The following KCNMA1 variants were observed in gnomAD, a reference collection of about 807,000 sequenced individuals.
KCNMA1 encodes the protein Calcium-activated potassium channel subunit alpha-1.
KCNMA1 carries 29 observed loss-of-function variants against 140.0 expected under a neutral mutation model. That is an observed-to-expected ratio of 0.21 (90% CI 0.15 to 0.28). The LOEUF is 0.28. KCNMA1 is among the 10% of genes least tolerant of loss of function. The pLI is 1.00. For missense variants in KCNMA1, 880 were observed against 1,602.2 expected (o/e 0.55, Z 7.70); for synonymous variants, 612 against 611.9 (o/e 1.00, Z 0.00).
At chr10:76,949,579 C>T (rs2065467690) in intron 21 of KCNMA1, 1 of 599,426 alleles carries the variant, frequency 1.7e-6, no homozygotes, top group Non-Finnish European at 3.0e-6. Context: ...ATAAATCTGT[C>T]CAAATGTATA....
At chr10:77,628,137 C>T (rs1262546264) in intron 1 of KCNMA1, among the ~76,000 whole-genome samples, 1 of 152,132 alleles carries the variant, frequency 6.6e-6, no homozygotes, top group Non-Finnish European at 1.5e-5. Context: ...CTTATACTCC[C>T]AACTTGAAAT....
intron 3 of KCNMA1, among the ~76,000 whole-genome samples, chr10:77,215,407 C>CTTT (rs5786271): frequency 0.14 from 18,070 of 132,484 alleles, 1,540 homozygotes; most frequent in Non-Finnish European, 0.18. Flanking sequence ...TTTATTTTTG[C>CTTT]TTTTTTTTTT....
At chr10:77,047,907 G>C (rs1302252712) in intron 14 of KCNMA1, among the ~76,000 whole-genome samples, 1 of 152,020 alleles carries the variant, frequency 6.6e-6, no homozygotes, top group East Asian at 1.9e-4. Flanking sequence ...GGGTTTTCAG[G>C]ACAGCCCTTC....
intron 2 of KCNMA1, among the ~76,000 whole-genome samples, chr10:77,377,230 G>T (rs1416497414): frequency 1.3e-5 from 2 of 152,102 alleles, no homozygotes; most frequent in African/African-American, 4.8e-5. Flanking sequence ...AGGAGCCCCA[G>T]CTCACCTTTC....
chr10:77,112,282 C>A lies in KCNMA1; in HGVS notation c.960+85G>T. On this transcript the variant is annotated intron_variant, in intron 7 of 27. Transcript: ENST00000286628. ...CAACCGAGGTGAAGTTAATTTCCAG[C>A]AAGATAAATTTTAGGTAATAAAATG... The A allele has an allele frequency of 3.1e-6, 3 of 968,298 alleles. No homozygotes were observed. The Admixed American group carries it at 5.4e-5, about 17-fold the overall frequency. The allele number at this position is 968,298 out of a possible 1,614,324, so 60.0% of individuals were successfully genotyped here.
At chr10:77,258,679 T>C (rs1565546798) in intron 2 of KCNMA1, among the ~76,000 whole-genome samples, 1 of 152,210 alleles carries the variant, frequency 6.6e-6, no homozygotes, top group Non-Finnish European at 1.5e-5. Context: ...GAAGAAGATA[T>C]AGGCCAGGTG....
chr10:77,126,645 ATGAGAAC>A (rs1448627749), intron 5 of KCNMA1, among the ~76,000 whole-genome samples: 1 of 151,946 alleles, frequency 6.6e-6, no homozygotes, highest in Non-Finnish European at 1.5e-5. Context: ...TAGTCCCTTC[ATGAGAAC>A]TGCCCTCTGC....
intron 5 of KCNMA1, among the ~76,000 whole-genome samples, chr10:77,131,310 A>G (rs894912473): frequency 2.0e-5 from 3 of 152,238 alleles, no homozygotes; most frequent in African/African-American, 7.2e-5. Context: ...AAATGCAAAG[A>G]TAAGCACAAA....
intron 2 of KCNMA1, among the ~76,000 whole-genome samples, chr10:77,334,126 T>G (rs960326477): frequency 2.6e-5 from 4 of 152,198 alleles, no homozygotes; most frequent in Admixed American, 2.6e-4. Flanking sequence ...CTATCGGACA[T>G]GTAAGCACTT....
chr10:77,442,726 T>C (rs2154514012), intron 1 of KCNMA1, among the ~76,000 whole-genome samples: 1 of 152,198 alleles, frequency 6.6e-6, no homozygotes, highest in Non-Finnish European at 1.5e-5. Flanking sequence ...CCATCACCTA[T>C]ATGCATGGGA....
chr10:77,254,785 C>G (rs1377185268), intron 2 of KCNMA1, among the ~76,000 whole-genome samples: 1 of 152,148 alleles, frequency 6.6e-6, no homozygotes, highest in Non-Finnish European at 1.5e-5. Flanking sequence ...AATCCTTTTG[C>G]AAGCTTCTAT....
At chr10:77,189,439 G>A (rs1465880082) in intron 3 of KCNMA1, among the ~76,000 whole-genome samples, 1 of 152,142 alleles carries the variant, frequency 6.6e-6, no homozygotes. Flanking sequence ...ATGCCACTGT[G>A]CAAGCTTCAC....
rs542925586 is a variant in KCNMA1, at chr10:77,583,209, T to A, written c.378+54056A>T. Among the ~76,000 whole-genome samples the A allele has an allele frequency of 1.5e-3, 223 of 152,314 alleles. 1 individual carries two copies. Among genetic ancestry groups the A allele is most frequent in the Non-Finnish European group, 2.6e-3 (180 of 68,020 alleles). ...TGAACCTTGCTTCTGCTCCTTGGACTCCCAGGTTGGGCTTCTTCCTGGTCA... is the reference window on the plus strand; with the variant it reads ...TGAACCTTGCTTCTGCTCCTTGGACACCCAGGTTGGGCTTCTTCCTGGTCA... On this transcript the variant is annotated intron_variant, in intron 1 of 27. Transcript: ENST00000286628.
chr10:77,078,180 T>G (rs1052633237), intron 13 of KCNMA1: 1 of 152,190 alleles, frequency 6.6e-6, no homozygotes, highest in Non-Finnish European at 1.5e-5. Context: ...ATATGGCCCA[T>G]AAGAGGGGGT....
At position 77,637,790 on chromosome 10, in the gene KCNMA1, T is replaced by C. The variant is rs1239162613; in HGVS notation, c.-148A>G. 2 of 1,261,952 alleles carry C rather than the reference T, an allele frequency of 1.6e-6. No individual in the cohort carries two copies. The highest frequency in any genetic ancestry group is 2.0e-6 in the Non-Finnish European group (2 of 1,007,008). The allele number at this position is 1,261,952 out of a possible 1,614,324, so 78.2% of individuals were successfully genotyped here. A position where few individuals can be genotyped will look rare whatever the true frequency, so the allele number is the denominator to read the frequency against. On this transcript the variant is annotated 5_prime_UTR_variant, in exon 1 of 28. Coordinates refer to ENST00000286628, the MANE Select transcript of KCNMA1 (RefSeq NM_001161352.2). ...CGCGGGAGGGGGGCGGGGAGGCGCC[T>C]GGGCTCGGGGCGCTGTGCGCGACCT...
intron 22 of KCNMA1, among the ~76,000 whole-genome samples, chr10:76,947,404 C>T (rs185208323): frequency 2.0e-5 from 3 of 152,114 alleles, no homozygotes; most frequent in Admixed American, 6.6e-5. Flanking sequence ...TACACAAACA[C>T]ACAAAACACA....
chr10:77,069,115 G>T (rs2096081130), intron 14 of KCNMA1, among the ~76,000 whole-genome samples: 1 of 152,124 alleles, frequency 6.6e-6, no homozygotes, highest in Non-Finnish European at 1.5e-5. Context: ...ACTTATTCAG[G>T]GCTGAGGCAA....
At chr10:77,518,394 T>C (rs1350617366) in intron 1 of KCNMA1, among the ~76,000 whole-genome samples, 4 of 152,232 alleles carry the variant, frequency 2.6e-5, no homozygotes, top group African/African-American at 9.6e-5. Flanking sequence ...TGAAATTTCA[T>C]AGTCCACTTC....
At chr10:76,978,022 G>A (rs1331575749) in intron 19 of KCNMA1, among the ~76,000 whole-genome samples, 1 of 152,154 alleles carries the variant, frequency 6.6e-6, no homozygotes, top group Non-Finnish European at 1.5e-5. Flanking sequence ...AGCTCAGAGC[G>A]ATATATAGAT....
Sources: gnomAD v4.1 joint callset for allele counts (sites outside exome capture counted in the v4.1 genomes callset) on GRCh38, gnomAD v4.1.1 for gene constraint, MANE v1.5 for transcripts, NCBI Gene and HGNC (gene_info 2026-07-23, HGNC 2026-07-21) for gene names.